MATR3: variants seen among roughly 807,000 people sequenced by gnomAD.
MATR3 encodes matrin-3.
A neutral mutation model predicts 85.5 loss-of-function variants in MATR3; 4 were observed. The observed-to-expected ratio is 0.05, with a 90% CI of 0.02 to 0.11. MATR3 has a LOEUF of 0.11. MATR3 is among the 10% of genes least tolerant of loss of function. The pLI is 1.00. For missense variants in MATR3, 685 were observed against 1,016.1 expected, an observed-to-expected ratio of 0.67 and a Z score of 4.43; for synonymous variants, 336 against 343.1, an observed-to-expected ratio of 0.98 and a Z score of 0.23.
At chr5:139,325,192 C>CCA in intron 12 of MATR3, 1 of 1,084,642 alleles carries the variant, frequency 9.2e-7, no homozygotes, top group Non-Finnish European at 1.2e-6. Flanking sequence ...GACTCCGTCT[C>CCA]AAAAAAAAAA....
rs13168944 is a variant in MATR3, at chr5:139,283,780, G to A, written c.-178+4651G>A. 2.6e-4 allele frequency among the ~76,000 whole-genome samples: 39 copies of A among 151,602 alleles called. No homozygotes were observed. The East Asian group carries it at 7.0e-3, about 27-fold the overall frequency. On this transcript the variant is annotated intron_variant, in intron 3 of 16. Transcript: ENST00000509990. Reference sequence around the variant, plus strand: ...ACAATCTAGCCTTATCTCTCTCACCGTCTTATCTTTATCACCCGTAGATTC... The same window carrying A: ...ACAATCTAGCCTTATCTCTCTCACCATCTTATCTTTATCACCCGTAGATTC...
intron 14 of MATR3, among the ~76,000 whole-genome samples, chr5:139,327,272 ATAAT>A (rs934378771): frequency 1.3e-5 from 2 of 150,866 alleles, no homozygotes; most frequent in Non-Finnish European, 2.9e-5. Flanking sequence ...AATTTTGGAA[ATAAT>A]TCAAGTTCTT....
At chr5:139,319,567 A>G in intron 9 of MATR3, 66 bp downstream of exon 9, 1 of 1,430,418 alleles carries the variant, frequency 7.0e-7, no homozygotes, top group Non-Finnish European at 9.7e-7. Context: ...TTCAATATGG[A>G]GCTGGGCGTC....
chr5:139,281,356 G>GTTTTTTTTTTT (rs1371325133), intron 3 of MATR3, among the ~76,000 whole-genome samples: 2 of 101,038 alleles, frequency 2.0e-5, no homozygotes, highest in Non-Finnish European at 4.0e-5. Flanking sequence ...TTTTTTTTTT[G>GTTTTTTTTTTT]TTTTTTTTTT....
intron 12 of MATR3, among the ~76,000 whole-genome samples, chr5:139,324,463 G>T (rs1418372788): frequency 1.3e-5 from 2 of 151,962 alleles, no homozygotes; most frequent in Non-Finnish European, 2.9e-5. Flanking sequence ...GCTAATTCTT[G>T]TATTTTTAGT....
rs199711502 is a variant in MATR3 at position 139,308,090 on chromosome 5, A to G, written c.675A>G (p.Arg225=). Residue 225 remains arginine (R), a synonymous_variant, in exon 2 of 15, where the codon AGA becomes AGG. Coordinates refer to ENST00000394805, the MANE Select transcript of MATR3 (RefSeq NM_018834.6). ...TGGATTATGAAGATGACAGATTAAG[A>G]GATGGAGAAAGGTGTAGGGATGATT... ...DRMDYEDDRL[R]DGERCRDDSF... 3.7e-6 allele frequency: 6 copies of G among 1,614,160 alleles called. No individual in the cohort carries two copies. The highest frequency in any genetic ancestry group is 5.1e-6 in the Non-Finnish European group (6 of 1,180,030).
At position 139,307,568 on chromosome 5, in the gene MATR3, C is replaced by T. The variant is rs901471149; in HGVS notation, c.153C>T (p.Arg51=). 3 of 1,614,048 alleles carry T rather than the reference C, an allele frequency of 1.9e-6. No homozygotes were observed. The highest frequency in any genetic ancestry group is 2.5e-6 in the Non-Finnish European group (3 of 1,180,016). The change falls in exon 2 of 15, where the codon CGC becomes CGT. Residue 51 remains arginine (R), a synonymous_variant. Transcript: ENST00000394805. The surrounding 1 kb of genome is among the most constrained non-coding windows in gnomAD (Gnocchi z 4.4). Reference sequence around the variant, plus strand: ...GAAGGATGAACCAGGGTACTGCACGCCTTGCTAGTTTAATGAATCTTGGAA... The same window carrying T: ...GAAGGATGAACCAGGGTACTGCACGTCTTGCTAGTTTAATGAATCTTGGAA... The part of the protein sequence containing the change: ...SLGRMNQGTA[R]LASLMNLGMS...
intron 5 of MATR3, among the ~76,000 whole-genome samples, chr5:139,316,694 T>C (rs1755262302): frequency 6.6e-6 from 1 of 152,070 alleles, no homozygotes; most frequent in African/African-American, 2.4e-5. Flanking sequence ...GGATTACAAG[T>C]ATGTGCCACC....
Position 139,317,489 on chromosome 5 carries a change from T to C in MATR3, c.1183-107T>C, listed in dbSNP as rs202111745. ...TCTAGAATGTTATGAGTTGTTTTAC[T>C]TACACTCTCCTGGTTAATTATAGAT... On this transcript the variant is annotated intron_variant, in intron 6 of 14. Transcript: ENST00000394805. 4,846 of 1,121,476 alleles carry C rather than the reference T, an allele frequency of 4.3e-3. 14 individuals carry two copies. The highest frequency in any genetic ancestry group is 5.3e-3 in the Non-Finnish European group (3,925 of 746,286). 69.5% of individuals were successfully genotyped at this position (1,121,476 alleles called of 1,614,324 possible). A position where few individuals can be genotyped will look rare whatever the true frequency, so the allele number is the denominator to read the frequency against.
At chr5:139,277,716 G>T (rs1753339846) in intron 2 of MATR3, among the ~76,000 whole-genome samples, 1 of 151,034 alleles carries the variant, frequency 6.6e-6, no homozygotes, top group Admixed American at 6.6e-5. Flanking sequence ...TTAGACCAGG[G>T]TGCCAAACAT....
intron 2 of MATR3, chr5:139,313,001 C>G (rs1755065825): frequency 6.7e-6 from 1 of 148,916 alleles, no homozygotes. Flanking sequence ...TGTACCTAAA[C>G]TGTTGTCAGG....
Position 139,322,119 on chromosome 5 carries a change from A to G in MATR3, c.1734+90A>G, listed in dbSNP as rs577583909. The G allele has an allele frequency of 4.9e-6, 7 of 1,423,444 alleles. No homozygotes were observed. In the African/African-American group the frequency reaches 9.9e-5, roughly 20 times the overall value. The allele number at this position is 1,423,444 out of a possible 1,614,324, so 88.2% of individuals were successfully genotyped here. A position where few individuals can be genotyped will look rare whatever the true frequency, so the allele number is the denominator to read the frequency against. On this transcript the variant is annotated intron_variant, in intron 10 of 14. Transcript: ENST00000394805. The stretch of plus-strand genomic sequence containing the variant: ...CTTTTAAACATTTTTGTATGCTAAA[A>G]ATACAGGATTATTGAAACCTATTGA...
At chr5:139,312,189 T>G (rs1285455633) in intron 2 of MATR3, 1 of 152,230 alleles carries the variant, frequency 6.6e-6, no homozygotes, top group Non-Finnish European at 1.5e-5. Flanking sequence ...CACGCTGAAG[T>G]GCGCTTAGGT....
intron 1 of MATR3, 165 bp downstream of exon 1, chr5:139,293,970 C>G (rs989170463): frequency 2.4e-5 from 30 of 1,262,106 alleles, no homozygotes; most frequent in Non-Finnish European, 2.9e-5. Flanking sequence ...GCCGCCTGAT[C>G]GGCGGCCGCC....
At chr5:139,329,150 AT>A (rs904832218) in intron 14 of MATR3, among the ~76,000 whole-genome samples, 194 bp from the exon 15 acceptor site, 2 of 152,020 alleles carry the variant, frequency 1.3e-5, no homozygotes, top group African/African-American at 2.4e-5. Flanking sequence ...ACCTTTTACC[AT>A]TTTTTCCCCG....
In MATR3 at chr5:139,307,169, GT is replaced by G. The variant is rs543799073; in HGVS notation, c.-177-61del. 18 of 1,065,686 alleles carry G rather than the reference GT, an allele frequency of 1.7e-5. No homozygotes were observed. The highest frequency in any genetic ancestry group is 4.3e-5 in the East Asian group (1 of 22,990). The allele number at this position is 1,065,686 out of a possible 1,614,324, so 66.0% of individuals were successfully genotyped here. A position where few individuals can be genotyped will look rare whatever the true frequency, so the allele number is the denominator to read the frequency against. On this transcript the variant is annotated intron_variant, in intron 1 of 14. Coordinates refer to ENST00000394805, the MANE Select transcript of MATR3 (RefSeq NM_018834.6). This position sits in a 1 kb window ranked among gnomAD's most constrained non-coding sequence, Gnocchi z 4.4. ...TTTTTTAAATCAACATGATGCATAA[GT>G]TTTTTTTTCTTAAAAAAACGGCATC... is the stretch of plus-strand genomic sequence containing the variant.
intron 1 of MATR3, among the ~76,000 whole-genome samples, chr5:139,299,262 A>AG (rs1440729708): frequency 1.3e-5 from 2 of 152,262 alleles, no homozygotes; most frequent in Non-Finnish European, 2.9e-5. Flanking sequence ...TATTTACACA[A>AG]GCATTGAGTA....
In MATR3 at chr5:139,320,245, C is replaced by T. The variant is rs565279080; in HGVS notation, c.1602+744C>T. Among the ~76,000 whole-genome samples the T allele has an allele frequency of 2.7e-4, 41 of 151,798 alleles. 1 individual carries two copies. The highest frequency in any genetic ancestry group is 8.7e-4 in the African/African-American group (36 of 41,364). ...AATGGCATGAACCCGGGAGGCGGAGCTTGCAATGACTCGAGATTGTGCCAC... is the reference window on the plus strand; with the variant it reads ...AATGGCATGAACCCGGGAGGCGGAGTTTGCAATGACTCGAGATTGTGCCAC... On this transcript the variant is annotated intron_variant, in intron 9 of 14. Coordinates refer to ENST00000394805, the MANE Select transcript of MATR3 (RefSeq NM_018834.6).
intron 2 of MATR3, among the ~76,000 whole-genome samples, chr5:139,309,538 T>A (rs1260409315): frequency 2.6e-5 from 4 of 152,178 alleles, no homozygotes; most frequent in Non-Finnish European, 5.9e-5. Context: ...CTCCCTTTCC[T>A]TGTGTTTGGA....
Sources: allele counts gnomAD v4.1 joint callset (sites outside exome capture counted in the v4.1 genomes callset), GRCh38; gene constraint gnomAD v4.1.1; non-coding constraint Gnocchi (gnomAD v3.1); transcripts MANE v1.5; gene names NCBI Gene and HGNC (gene_info 2026-07-23, HGNC 2026-07-21).